Variants in GRAMD1B observed in about 807,000 individuals in gnomAD.
The protein encoded by GRAMD1B is GRAM domain containing 1B, also known as protein Aster-B.
Under a neutral mutation model 99.7 loss-of-function variants are expected in GRAMD1B, and 37 were observed. The ratio of observed to expected loss-of-function variants is 0.37; its 90% CI spans 0.29 to 0.49. The LOEUF (loss-of-function observed/expected upper bound fraction) is 0.49, where lower values mean the gene tolerates loss of function less well. Among genes scored for constraint, GRAMD1B ranks in the 20% least tolerant of loss-of-function variants. The pLI is 0.98. For synonymous variants in GRAMD1B, 427 were observed against 387.6 expected, an observed-to-expected ratio of 1.10 and a Z score of -1.19; for missense variants, 888 against 1,009.2, an observed-to-expected ratio of 0.88 and a Z score of 1.63.
intron 1 of GRAMD1B, among the ~76,000 whole-genome samples, chr11:123,434,230 CAAAAAAAA>C (rs33942028): frequency 1.4e-5 from 1 of 73,008 alleles, no homozygotes; most frequent in Admixed American, 1.9e-4. Context: ...ACTCCGTTTC[CAAAAAAAA>C]AAAAAAAAAA....
intron 2 of GRAMD1B, among the ~76,000 whole-genome samples, chr11:123,550,264 C>G (rs1456724886): frequency 6.6e-6 from 1 of 152,150 alleles, no homozygotes; most frequent in South Asian, 2.1e-4. Context: ...ATCAACCTCT[C>G]GAGACATGTG....
intron 7 of GRAMD1B, chr11:123,598,925 G>A: frequency 2.7e-6 from 3 of 1,128,662 alleles, no homozygotes; most frequent in Non-Finnish European, 2.7e-6. Context: ...CATTCCTCCT[G>A]TCTTTAGGAA....
In GRAMD1B at chr11:123,430,644, T is replaced by G; in HGVS notation, c.-149T>G. 1 of 505,452 alleles carries G rather than the reference T, an allele frequency of 2.0e-6. No individual in the cohort carries two copies. The highest frequency in any genetic ancestry group is 2.9e-5 in the South Asian group (1 of 34,028). 31.3% of individuals were successfully genotyped at this position (505,452 alleles called of 1,614,324 possible). A position where few individuals can be genotyped will look rare whatever the true frequency, so the allele number is the denominator to read the frequency against. On this transcript the variant is annotated 5_prime_UTR_variant, in exon 1 of 20. Coordinates refer to ENST00000635736, the MANE Select transcript of GRAMD1B (RefSeq NM_001387025.1). The stretch of plus-strand genomic sequence containing the variant: ...CTACGCCGCGTCCCCTCGCGTCCCT[T>G]CCTCGCTGCGCTCCGGGAAAGGAAC...
At chr11:123,603,282 T>TG in intron 8 of GRAMD1B, 144 bp from the exon 9 acceptor site, 1 of 623,330 alleles carries the variant, frequency 1.6e-6, no homozygotes, top group South Asian at 1.9e-5. Context: ...CCAAGGCAGA[T>TG]GGGGGTGGTG....
chr11:123,516,859 G>A (rs1206030365), intron 2 of GRAMD1B, among the ~76,000 whole-genome samples: 2 of 152,144 alleles, frequency 1.3e-5, no homozygotes, highest in Non-Finnish European at 2.9e-5. Context: ...GGAGAACTCT[G>A]GATCTAACTT....
At chr11:123,538,162 C>T (rs1944149728) in intron 2 of GRAMD1B, among the ~76,000 whole-genome samples, 1 of 151,954 alleles carries the variant, frequency 6.6e-6, no homozygotes, top group Non-Finnish European at 1.5e-5. Context: ...AACTATCTCC[C>T]ATCCAACCTC....
chr11:123,564,299 C>T (rs1042964697), intron 2 of GRAMD1B, among the ~76,000 whole-genome samples: 2 of 152,216 alleles, frequency 1.3e-5, no homozygotes, highest in Non-Finnish European at 2.9e-5. Flanking sequence ...GATCTGAATC[C>T]TTCTGTCTCA....
intron 1 of GRAMD1B, among the ~76,000 whole-genome samples, chr11:123,424,448 ATAGCAAG>A (rs373708586): frequency 4.6e-5 from 7 of 152,262 alleles, no homozygotes; most frequent in African/African-American, 1.4e-4. Context: ...CCTGGACAAC[ATAGCAAG>A]ACCCTGTCTC....
chr11:123,411,142 C>G (rs1240923129), intron 1 of GRAMD1B, among the ~76,000 whole-genome samples: 1 of 151,884 alleles, frequency 6.6e-6, no homozygotes, highest in Non-Finnish European at 1.5e-5. Context: ...GTAGCTGGGA[C>G]TATAGGCGCC....
intron 1 of GRAMD1B, among the ~76,000 whole-genome samples, chr11:123,476,599 C>A (rs1156356882): frequency 6.6e-6 from 1 of 152,196 alleles, no homozygotes; most frequent in Non-Finnish European, 1.5e-5. Context: ...ACAGAGGTGT[C>A]CACCAGCTAC....
chr11:123,406,807 A>C (rs1240310346), intron 1 of GRAMD1B, among the ~76,000 whole-genome samples: 1 of 152,204 alleles, frequency 6.6e-6, no homozygotes, highest in East Asian at 1.9e-4. Context: ...ACAAGGACTA[A>C]CTAGTACCAA....
At chr11:123,457,371 C>T (rs1950207960) in intron 1 of GRAMD1B, among the ~76,000 whole-genome samples, 2 of 152,134 alleles carry the variant, frequency 1.3e-5, no homozygotes, top group African/African-American at 4.8e-5. Context: ...CCCCACTGTC[C>T]AGCCAGCGTC....
chr11:123,455,459 T>C (rs1950073181), intron 1 of GRAMD1B, among the ~76,000 whole-genome samples: 1 of 152,032 alleles, frequency 6.6e-6, no homozygotes, highest in African/African-American at 2.4e-5. Flanking sequence ...TGAATTCCCT[T>C]CAAAATTAAA....
At chr11:123,597,114 C>A (rs540211933) in intron 7 of GRAMD1B, among the ~76,000 whole-genome samples, 1 of 150,814 alleles carries the variant, frequency 6.6e-6, no homozygotes, top group East Asian at 2.0e-4. Context: ...AGGCCAATTC[C>A]AAAGAGTCCA....
At chr11:123,423,214 C>T (rs1347607888) in intron 1 of GRAMD1B, among the ~76,000 whole-genome samples, 4 of 151,060 alleles carry the variant, frequency 2.6e-5, no homozygotes, top group African/African-American at 9.8e-5. Flanking sequence ...TTTTGTTCCT[C>T]TAAAACATAA....
intron 1 of GRAMD1B, among the ~76,000 whole-genome samples, chr11:123,434,926 G>A (rs1477165986): frequency 6.6e-6 from 1 of 152,212 alleles, no homozygotes; most frequent in Non-Finnish European, 1.5e-5. Context: ...TTACCTCCAT[G>A]AGTTTCACCT....
At chr11:123,429,290 G>A (rs1948763597), upstream of GRAMD1B, among the ~76,000 whole-genome samples, 1 of 152,184 alleles carries the variant, frequency 6.6e-6, no homozygotes, top group South Asian at 2.1e-4. The surrounding 1 kb of genome is among the most constrained non-coding windows in gnomAD (Gnocchi z 4.0). Flanking sequence ...CCTGCTCTAG[G>A]AGCTGGGCTG....
At chr11:123,437,645 T>C (rs1949221831) in intron 1 of GRAMD1B, among the ~76,000 whole-genome samples, 1 of 152,238 alleles carries the variant, frequency 6.6e-6, no homozygotes, top group Admixed American at 6.5e-5. Flanking sequence ...CCTCAGGGTT[T>C]CCACTTAGCT....
intron 2 of GRAMD1B, among the ~76,000 whole-genome samples, chr11:123,513,617 C>CCTTCCTTTCTTCCTTTCTTTCTTT (rs1555050260): frequency 2.2e-5 from 1 of 45,774 alleles, no homozygotes; most frequent in Non-Finnish European, 4.2e-5. Context: ...TTCCTTCCTT[C>CCTTCCTTTCTTCCTTTCTTTCTTT]CTTTCTTTCT....
Sources: allele counts gnomAD v4.1 joint callset (sites outside exome capture counted in the v4.1 genomes callset), GRCh38; gene constraint gnomAD v4.1.1; non-coding constraint Gnocchi (gnomAD v3.1); transcripts MANE v1.5; gene names NCBI Gene and HGNC (gene_info 2026-07-23, HGNC 2026-07-21).